CREBBP: variants seen among roughly 807,000 people sequenced by gnomAD.
CREBBP encodes the protein CREB binding lysine acetyltransferase.
CREBBP carries 19 observed loss-of-function variants against 265.0 expected under a neutral mutation model. That is an observed-to-expected ratio of 0.07 (90% CI 0.05 to 0.11). The LOEUF is 0.11. CREBBP is among the 10% of genes least tolerant of loss of function. CREBBP has a pLI of 1.00. For synonymous variants in CREBBP, 1,457 were observed against 1,223.7 expected (o/e 1.19, Z -3.98); for missense variants, 2,525 against 3,219.0 (o/e 0.78, Z 5.22).
chr16:3,843,423 A>ATTTT (rs71133662), intron 2 of CREBBP, among the ~76,000 whole-genome samples: 1 of 141,810 alleles, frequency 7.1e-6, no homozygotes. Context: ...GTTGTCAAAG[A>ATTTT]TTTTTTTTTT....
In CREBBP at chr16:3,806,453, T is replaced by TAAA. The variant is rs763924641; in HGVS notation, c.975+4147_975+4149dup. Reference sequence around the variant, plus strand: ...GGTGAAGTCTCCATAACGCAGTTCTTAAAAAAAAAAAAAAATCACACCTAC... The same window carrying TAAA: ...GGTGAAGTCTCCATAACGCAGTTCTTAAAAAAAAAAAAAAAAAATCACACCTAC... On this transcript the variant is annotated intron_variant, in intron 3 of 30. Transcript: ENST00000262367. 1.2e-4 allele frequency among the ~76,000 whole-genome samples: 17 copies of TAAA among 141,870 alleles called. No homozygotes were observed. In the South Asian group the frequency reaches 1.3e-3, roughly 11 times the overall value. The allele number at this position is 141,870 out of a possible 152,430, so 93.1% of individuals were successfully genotyped here.
In CREBBP at chr16:3,790,010, C is replaced by T. The variant is rs374745760; in HGVS notation, c.1330+1971G>A. ...GTATGTACTAAAAACAAAAGATCCT[C>T]AAAAAGCCACACCCCCAAATTAAAG... On this transcript the variant is annotated intron_variant, in intron 5 of 30. Transcript: ENST00000262367. Among the ~76,000 whole-genome samples the T allele has an allele frequency of 2.6e-5, 4 of 152,188 alleles. No individual in the cohort carries two copies. In the East Asian group the frequency reaches 5.8e-4, roughly 22 times the overall value.
intron 1 of CREBBP, among the ~76,000 whole-genome samples, chr16:3,872,049 C>A: frequency 6.6e-6 from 1 of 152,116 alleles, no homozygotes; most frequent in Admixed American, 6.5e-5. Context: ...AATGAAACAC[C>A]GGGGAAAATG....
Position 3,803,260 on chromosome 16 carries a change from CGGGGAGGGGGGGGG to C in CREBBP, c.975+7329_975+7342del, listed in dbSNP as rs944884492. On this transcript the variant is annotated intron_variant, in intron 3 of 30. Coordinates refer to ENST00000262367, the MANE Select transcript of CREBBP (RefSeq NM_004380.3). ...TCCCAGCACTTTGGGAGGCTGACGG[CGGGGAGGGGGGGGG>C]GGGGGGTGGATCACGAGGTCAGGAG... Among the ~76,000 whole-genome samples, 25 of 8,454 alleles carry C rather than the reference CGGGGAGGGGGGGGG, an allele frequency of 3.0e-3. 7 individuals are homozygous for C. Among genetic ancestry groups the C allele is most frequent in the African/African-American group, 6.8e-3 (8 of 1,184 alleles). The allele number at this position is 8,454 out of a possible 152,430, so 5.5% of individuals were successfully genotyped here.
rs75290484 is a variant in CREBBP at position 3,814,529 on chromosome 16, T to C, written c.799-3750A>G. 6.8e-3 allele frequency among the ~76,000 whole-genome samples: 1,030 copies of C among 152,196 alleles called. 12 individuals carry two copies. Among genetic ancestry groups the C allele is most frequent in the Middle Eastern group, 0.017 (5 of 294 alleles). ...CCTCAAGCCTCCCCAGGTGTTGGGA[T>C]TACAGGTATAAGCCACCACGCCTGG... is the stretch of plus-strand genomic sequence containing the variant. On this transcript the variant is annotated intron_variant, in intron 2 of 30. Transcript: ENST00000262367.
intron 2 of CREBBP, among the ~76,000 whole-genome samples, chr16:3,813,267 C>T (rs920825493): frequency 2.0e-5 from 3 of 152,294 alleles, no homozygotes; most frequent in South Asian, 2.1e-4. Flanking sequence ...TTCTTGTCAC[C>T]ACTAGGTGCT....
chr16:3,828,283 G>C (rs1463754543), intron 2 of CREBBP, among the ~76,000 whole-genome samples: 1 of 152,124 alleles, frequency 6.6e-6, no homozygotes, highest in Non-Finnish European at 1.5e-5. Context: ...GTAGAGATGA[G>C]GTTTCTCCAT....
In CREBBP at chr16:3,749,615, C is replaced by G. The variant is rs2151367860; in HGVS notation, c.3836+12G>C. On this transcript the variant is annotated intron_variant, in intron 21 of 30. Transcript: ENST00000262367. Reference sequence around the variant, plus strand: ...AAAACTGAAAGTAAAAAAGAAATAGCTATATACTTACGGTTCGGGGTCTAA... The same window carrying G: ...AAAACTGAAAGTAAAAAAGAAATAGGTATATACTTACGGTTCGGGGTCTAA... 6.3e-7 allele frequency: 1 copy of G among 1,581,720 alleles called. No homozygotes were observed. Among genetic ancestry groups the G allele is most frequent in the Admixed American group, 1.7e-5 (1 of 59,836 alleles).
At chr16:3,771,234 A>G (rs1418993249) in intron 13 of CREBBP, among the ~76,000 whole-genome samples, 1 of 151,826 alleles carries the variant, frequency 6.6e-6, no homozygotes, top group African/African-American at 2.4e-5. Flanking sequence ...ACGCCCAGCT[A>G]ATTTTTCTGT....
chr16:3,733,232 G>C (rs2051963080), intron 28 of CREBBP, among the ~76,000 whole-genome samples: 1 of 151,848 alleles, frequency 6.6e-6, no homozygotes, highest in Non-Finnish European at 1.5e-5. Flanking sequence ...CGTGGTGGCG[G>C]GTGCCTGCAG....
At position 3,729,080 on chromosome 16, in the gene CREBBP, C is replaced by T. The variant is rs763064903; in HGVS notation, c.5967G>A (p.Gly1989=). 6.3e-6 allele frequency: 10 copies of T among 1,584,762 alleles called. No individual in the cohort carries two copies. The African/African-American group carries it at 9.4e-5, about 15-fold the overall frequency. Residue 1989 remains glycine, a synonymous_variant, in exon 31 of 31, where the codon GGG becomes GGA. Coordinates refer to ENST00000262367, the MANE Select transcript of CREBBP (RefSeq NM_004380.3). ...CGGGGGCCATCTGGCTCCCCGGGGT[C>T]CCCATGCCCGTGCGTCCTGGGGGCA... ...NSMPPGRTGM[G]TPGSQMAPVS...
At chr16:3,819,300 G>C (rs1171464895) in intron 2 of CREBBP, among the ~76,000 whole-genome samples, 1 of 152,204 alleles carries the variant, frequency 6.6e-6, no homozygotes, top group Non-Finnish European at 1.5e-5. Flanking sequence ...CTGTAAAATG[G>C]AGATCACAGC....
At chr16:3,759,710 A>G (rs1469786889) in intron 16 of CREBBP, among the ~76,000 whole-genome samples, 1 of 152,138 alleles carries the variant, frequency 6.6e-6, no homozygotes, top group Non-Finnish European at 1.5e-5. Context: ...CATAAATGTA[A>G]ACAGTAATAG....
chr16:3,725,334 T>G lies in CREBBP; in HGVS notation c.*2384A>C. On this transcript the variant is annotated 3_prime_UTR_variant, in exon 31 of 31. Coordinates refer to ENST00000262367, the MANE Select transcript of CREBBP (RefSeq NM_004380.3). The stretch of plus-strand genomic sequence containing the variant: ...AGAGGATGAGGTTGGTACATAACGT[T>G]TTGAATTCCAGGATAACCTGAAACA... The G allele has an allele frequency of 4.3e-6, 1 of 233,214 alleles. No individual in the cohort carries two copies. Among genetic ancestry groups the G allele is most frequent in the Non-Finnish European group, 8.5e-6 (1 of 118,006 alleles). The allele number at this position is 233,214 out of a possible 1,614,324, so 14.4% of individuals were successfully genotyped here. A position where few individuals can be genotyped will look rare whatever the true frequency, so the allele number is the denominator to read the frequency against.
rs71133657 is a variant in CREBBP at position 3,802,114 on chromosome 16, A to ATTTTTTTTTTTTTTTTTT, written c.975+8471_975+8488dup. Among the ~76,000 whole-genome samples, 9 of 50,578 alleles carry ATTTTTTTTTTTTTTTTTT rather than the reference A, an allele frequency of 1.8e-4. 3 individuals carry two copies. Among genetic ancestry groups the ATTTTTTTTTTTTTTTTTT allele is most frequent in the African/African-American group, 4.6e-4 (5 of 10,780 alleles). The allele number at this position is 50,578 out of a possible 152,430, so 33.2% of individuals were successfully genotyped here. A position where few individuals can be genotyped will look rare whatever the true frequency, so the allele number is the denominator to read the frequency against. The stretch of plus-strand genomic sequence containing the variant: ...TTTATATTTACTCTGGTATTCCTTA[A>ATTTTTTTTTTTTTTTTTT]TTTTTTTTTTTTTTTTTTTTTTTTT... On this transcript the variant is annotated intron_variant, in intron 3 of 30. Coordinates refer to ENST00000262367, the MANE Select transcript of CREBBP (RefSeq NM_004380.3).
chr16:3,821,145 G>A (rs935321272), intron 2 of CREBBP, among the ~76,000 whole-genome samples: 2 of 152,170 alleles, frequency 1.3e-5, no homozygotes, highest in African/African-American at 4.8e-5. Context: ...TATAAAATAG[G>A]AAGCATTTAG....
chr16:3,732,470 G>C (rs75401475), intron 28 of CREBBP, among the ~76,000 whole-genome samples: 3,225 of 152,246 alleles, frequency 0.021, 65 homozygotes, highest in Middle Eastern at 0.044. Flanking sequence ...TCAGTGCTGC[G>C]CCTGACTGGC....
At chr16:3,781,609 C>A (rs2053275239) in intron 6 of CREBBP, among the ~76,000 whole-genome samples, 1 of 152,138 alleles carries the variant, frequency 6.6e-6, no homozygotes, top group African/African-American at 2.4e-5. Flanking sequence ...CACATGCAGC[C>A]TCTTACTTTC....
intron 28 of CREBBP, among the ~76,000 whole-genome samples, chr16:3,733,910 G>A (rs2051984151): frequency 6.6e-6 from 1 of 152,178 alleles, no homozygotes; most frequent in Admixed American, 6.5e-5. Context: ...TCAAAGTGCT[G>A]GGATTACAGG....
Sources: gnomAD v4.1 joint callset for allele counts (sites outside exome capture counted in the v4.1 genomes callset) on GRCh38, gnomAD v4.1.1 for gene constraint, MANE v1.5 for transcripts, NCBI Gene and HGNC (gene_info 2026-07-23, HGNC 2026-07-21) for gene names.